PKIB: variants seen among roughly 807,000 people sequenced by gnomAD.
PKIB encodes the protein cAMP-dependent protein kinase inhibitor beta.
In PKIB, 2 loss-of-function variants were observed where a neutral mutation model predicts 4.5. The ratio of observed to expected loss-of-function variants is 0.44; its 90% CI spans 0.18 to 1.39. PKIB has a LOEUF of 1.39. Ranked by LOEUF, PKIB falls within the 40% of genes most tolerant of loss-of-function variation. PKIB has a pLI of 0.27. For synonymous variants in PKIB, 38 were observed against 36.0 expected (o/e 1.06, Z -0.20); for missense variants, 94 against 92.6 (o/e 1.02, Z -0.06).
At chr6:122,592,772 G>T (rs1482207750) in intron 3 of PKIB, among the ~76,000 whole-genome samples, 1 of 152,182 alleles carries the variant, frequency 6.6e-6, no homozygotes, top group East Asian at 1.9e-4. Context: ...CTGAGTTAAG[G>T]ATGCAAGTAC....
intron 2 of PKIB, chr6:122,482,089 T>C (rs1348339060): frequency 1.3e-5 from 2 of 151,564 alleles, no homozygotes; most frequent in African/African-American, 2.4e-5. Context: ...GCCTCGCGAG[T>C]AGCTGGGACT....
rs1778168964 is a variant in PKIB at position 122,688,202 on chromosome 6, G to T, written c.-9+13058G>T. Among the ~76,000 whole-genome samples, 4 of 152,088 alleles carry T rather than the reference G, an allele frequency of 2.6e-5. No homozygotes were observed. The South Asian group carries it at 8.3e-4, about 32-fold the overall frequency. ...ATCAAATGCTTTTTCAGCATCAATT[G>T]AAATGATCATATGTTTTTTTGTCCT... On this transcript the variant is annotated intron_variant, in intron 3 of 4. Transcript: ENST00000368452.
upstream of PKIB, among the ~76,000 whole-genome samples, chr6:122,608,725 C>T (rs1233132530): frequency 6.6e-6 from 1 of 152,134 alleles, no homozygotes; most frequent in Non-Finnish European, 1.5e-5. Context: ...TCCAGTGGTT[C>T]TGATGATTTC....
chr6:122,564,057 T>C (rs1159329078), intron 2 of PKIB, among the ~76,000 whole-genome samples: 1 of 152,164 alleles, frequency 6.6e-6, no homozygotes, highest in African/African-American at 2.4e-5. Context: ...GCTCTCTAAA[T>C]TGGCTCAGCT....
intron 3 of PKIB, among the ~76,000 whole-genome samples, chr6:122,692,145 G>T (rs985626494): frequency 6.6e-6 from 1 of 152,200 alleles, no homozygotes; most frequent in African/African-American, 2.4e-5. Context: ...CAGATCTGAA[G>T]CCAGCATTGC....
chr6:122,476,355 A>G (rs1447058344), intron 1 of PKIB, among the ~76,000 whole-genome samples: 1 of 152,206 alleles, frequency 6.6e-6, no homozygotes, highest in Non-Finnish European at 1.5e-5. Context: ...TTAGAATTGG[A>G]AGAGACCATA....
chr6:122,672,319 T>G lies in PKIB; in HGVS notation c.-75-2759T>G, dbSNP rs113543019. On this transcript the variant is annotated intron_variant, in intron 2 of 4. Coordinates refer to ENST00000368452, the MANE Select transcript of PKIB (RefSeq NM_181795.3). The stretch of plus-strand genomic sequence containing the variant: ...GTAGGCCTTCTGCTAAGGGGTTCAT[T>G]TAAAAAGAAAATATTCCTCATCTAA... Among the ~76,000 whole-genome samples, 565 of 152,270 alleles carry G rather than the reference T, an allele frequency of 3.7e-3. 2 individuals carry two copies. The highest frequency in any genetic ancestry group is 0.013 in the African/African-American group (525 of 41,548).
intron 3 of PKIB, among the ~76,000 whole-genome samples, chr6:122,681,457 A>G (rs1405582360): frequency 2.0e-5 from 3 of 152,154 alleles, no homozygotes; most frequent in African/African-American, 7.2e-5. Flanking sequence ...CTCATATACA[A>G]TATTGTTTTA....
chr6:122,563,005 A>G (rs1773078288), intron 2 of PKIB, among the ~76,000 whole-genome samples: 1 of 151,982 alleles, frequency 6.6e-6, no homozygotes, highest in Non-Finnish European at 1.5e-5. Context: ...TTGCTGGTGC[A>G]CTACTGTGAT....
intron 2 of PKIB, among the ~76,000 whole-genome samples, chr6:122,538,792 T>G (rs1777491185): frequency 6.6e-6 from 1 of 152,122 alleles, no homozygotes; most frequent in Non-Finnish European, 1.5e-5. Context: ...TTCACAATAT[T>G]GATTCTTCCT....
chr6:122,670,019 G>C (rs1348458522), intron 2 of PKIB, among the ~76,000 whole-genome samples: 1 of 151,426 alleles, frequency 6.6e-6, no homozygotes, highest in East Asian at 1.9e-4. Context: ...AGGGATGCAG[G>C]CCCCTTCTAT....
chr6:122,482,893 G>A (rs1354143603), intron 2 of PKIB: 1 of 152,028 alleles, frequency 6.6e-6, no homozygotes, highest in Non-Finnish European at 1.5e-5. Flanking sequence ...CAAGGCTCTG[G>A]GGAAATCCCT....
chr6:122,687,621 T>G (rs1357833788), intron 3 of PKIB, among the ~76,000 whole-genome samples: 1 of 152,192 alleles, frequency 6.6e-6, no homozygotes, highest in Non-Finnish European at 1.5e-5. Context: ...TCTTATCATT[T>G]TTTGTGTCCT....
At chr6:122,618,768 C>T (rs534136490) in intron 1 of PKIB, among the ~76,000 whole-genome samples, 46 of 152,124 alleles carry the variant, frequency 3.0e-4, no homozygotes, top group African/African-American at 1.1e-3. Flanking sequence ...TAGTAGATAA[C>T]TCTGTTCATA....
chr6:122,623,151 G>A (rs553294280), intron 1 of PKIB, among the ~76,000 whole-genome samples: 4 of 152,266 alleles, frequency 2.6e-5, no homozygotes, highest in African/African-American at 9.6e-5. Context: ...AAAAGAATTT[G>A]CCACTAATAT....
intron 3 of PKIB, among the ~76,000 whole-genome samples, chr6:122,680,305 T>A (rs1224345990): frequency 6.6e-6 from 1 of 152,230 alleles, no homozygotes; most frequent in African/African-American, 2.4e-5. Context: ...TATTATCTCA[T>A]GCTAATAGTC....
intron 3 of PKIB, among the ~76,000 whole-genome samples, chr6:122,709,704 C>A (rs991151366): frequency 5.3e-5 from 8 of 151,766 alleles, no homozygotes; most frequent in African/African-American, 1.9e-4. Context: ...AAAAATAGTT[C>A]TATTATTTGG....
intron 2 of PKIB, among the ~76,000 whole-genome samples, chr6:122,515,026 C>A (rs1776704901): frequency 6.6e-6 from 1 of 152,152 alleles, no homozygotes; most frequent in Admixed American, 6.5e-5. Context: ...TAGCGATAAA[C>A]TAACAGTAAA....
At chr6:122,687,047 A>G (rs1442593181) in intron 3 of PKIB, among the ~76,000 whole-genome samples, 1 of 152,132 alleles carries the variant, frequency 6.6e-6, no homozygotes, top group African/African-American at 2.4e-5. Flanking sequence ...TGCCCATTTC[A>G]GTATCCTGGA....
Sources: gnomAD v4.1 joint callset for allele counts (sites outside exome capture counted in the v4.1 genomes callset) on GRCh38, gnomAD v4.1.1 for gene constraint, MANE v1.5 for transcripts, NCBI Gene and HGNC (gene_info 2026-07-23, HGNC 2026-07-21) for gene names.